Variants in NAALADL2 observed in about 807,000 individuals in gnomAD.
NAALADL2 encodes inactive N-acetylated-alpha-linked acidic dipeptidase-like protein 2.
NAALADL2 carries 76 observed loss-of-function variants against 87.2 expected under a neutral mutation model. The observed-to-expected ratio is 0.87, with a 90% confidence interval of 0.72 to 1.05. The LOEUF is 1.05. Among genes scored for constraint, NAALADL2 ranks in the 50% least tolerant of loss-of-function variants. The probability of loss-of-function intolerance (pLI) is 0.00; values close to 1 mark genes in which losing one functional copy is unlikely to be tolerated. For missense variants in NAALADL2, 1,089 were observed against 945.8 expected, an observed-to-expected ratio of 1.15 and a Z score of -1.99; for synonymous variants, 354 against 331.0, an observed-to-expected ratio of 1.07 and a Z score of -0.75.
At chr3:174,592,963 G>A (rs1456077985) in intron 2 of NAALADL2, among the ~76,000 whole-genome samples, 19 of 152,056 alleles carry the variant, frequency 1.2e-4, no homozygotes, top group Admixed American at 1.2e-3. Flanking sequence ...AAGAGGTAGA[G>A]AGAGAGTGAG....
At chr3:175,011,966 G>A (rs1296153646) in intron 1 of NAALADL2, among the ~76,000 whole-genome samples, 2 of 152,042 alleles carry the variant, frequency 1.3e-5, no homozygotes, top group Non-Finnish European at 2.9e-5. Flanking sequence ...CAATAAGAAG[G>A]TTATCAGTTT....
chr3:175,603,534 ATTCCAGGTACCTCATG>A (rs1723243951), intron 10 of NAALADL2, among the ~76,000 whole-genome samples: 1 of 152,182 alleles, frequency 6.6e-6, no homozygotes, highest in Non-Finnish European at 1.5e-5. Context: ...GATTTGGACT[ATTCCAGGTACCTCATG>A]TAAGTGGATT....
chr3:174,562,639 C>A (rs1223111579), intron 2 of NAALADL2, among the ~76,000 whole-genome samples: 1 of 151,926 alleles, frequency 6.6e-6, no homozygotes, highest in Non-Finnish European at 1.5e-5. Context: ...ATATTGCCAC[C>A]TCGCTGGACC....
rs529612558 is a variant in NAALADL2 at position 174,943,783 on chromosome 3, G to A, written c.43+84333G>A. On this transcript the variant is annotated intron_variant, in intron 1 of 13. Transcript: ENST00000454872. ...GGAGATTGACTGGCCTCTTCTACTT[G>A]TTGACTGGAGCTTGTTAGAGGTGTG... is the stretch of plus-strand genomic sequence containing the variant. Among the ~76,000 whole-genome samples, 77 of 152,248 alleles carry A rather than the reference G, an allele frequency of 5.1e-4. 1 individual carries two copies. The highest frequency in any genetic ancestry group is 1.5e-3 in the South Asian group (7 of 4,820).
At chr3:175,441,696 C>G (rs1341741741) in intron 5 of NAALADL2, among the ~76,000 whole-genome samples, 2 of 151,918 alleles carry the variant, frequency 1.3e-5, no homozygotes, top group African/African-American at 2.4e-5. Context: ...CACACACACA[C>G]ACACACACAC....
chr3:175,571,939 G>T lies in NAALADL2; in HGVS notation c.1654-4102G>T, dbSNP rs1044072235. On this transcript the variant is annotated intron_variant, in intron 9 of 13. Transcript: ENST00000454872. Reference sequence around the variant, plus strand: ...ATGAACACAGGTTTGAAGGTAATGTGCTTCTTCCCCTCATCACTGGTTAAA... The same window carrying T: ...ATGAACACAGGTTTGAAGGTAATGTTCTTCTTCCCCTCATCACTGGTTAAA... Among the ~76,000 whole-genome samples, 3 of 152,266 alleles carry T rather than the reference G, an allele frequency of 2.0e-5. No individual in the cohort carries two copies. In the East Asian group the frequency reaches 5.8e-4, roughly 29 times the overall value.
chr3:175,222,241 T>C (rs1034612350), intron 2 of NAALADL2, among the ~76,000 whole-genome samples: 3 of 152,142 alleles, frequency 2.0e-5, no homozygotes, highest in Non-Finnish European at 4.4e-5. Flanking sequence ...AGATATTCAA[T>C]AGGTACTTGT....
chr3:175,756,241 A>T (rs1292113738), intron 13 of NAALADL2, among the ~76,000 whole-genome samples: 1 of 152,148 alleles, frequency 6.6e-6, no homozygotes, highest in Non-Finnish European at 1.5e-5. Context: ...CATAGCCTTT[A>T]TATATACTTG....
intron 11 of NAALADL2, among the ~76,000 whole-genome samples, chr3:175,683,058 T>G (rs1735800108): frequency 6.6e-6 from 1 of 151,938 alleles, no homozygotes; most frequent in Non-Finnish European, 1.5e-5. Flanking sequence ...CAGAAAATTG[T>G]GAGAGGTGAT....
chr3:175,375,677 G>A (rs1767045045), intron 5 of NAALADL2, among the ~76,000 whole-genome samples: 1 of 152,056 alleles, frequency 6.6e-6, no homozygotes, highest in Admixed American at 6.6e-5. Flanking sequence ...GGAGTTTTGT[G>A]TAGATAATAT....
intron 2 of NAALADL2, among the ~76,000 whole-genome samples, chr3:175,217,358 A>G (rs1283837788): frequency 6.6e-6 from 1 of 152,204 alleles, no homozygotes; most frequent in Non-Finnish European, 1.5e-5. Context: ...GTTTCCAAAA[A>G]TATCAGGCAA....
chr3:175,144,292 C>T (rs1197457048), intron 2 of NAALADL2, among the ~76,000 whole-genome samples: 3 of 151,780 alleles, frequency 2.0e-5, no homozygotes, highest in Non-Finnish European at 2.9e-5. Flanking sequence ...CCATTGGGCA[C>T]GTTTCGGTTA....
chr3:175,449,221 G>C (rs1292290750), intron 6 of NAALADL2, among the ~76,000 whole-genome samples: 1 of 151,930 alleles, frequency 6.6e-6, no homozygotes, highest in East Asian at 1.9e-4. Flanking sequence ...TAGGGCTACA[G>C]GCACATGACA....
chr3:174,819,369 T>C (rs1721177453), intron 3 of NAALADL2, among the ~76,000 whole-genome samples: 1 of 134,996 alleles, frequency 7.4e-6, no homozygotes, highest in East Asian at 2.2e-4. Flanking sequence ...GTGGCTAATA[T>C]ATTTATTCTT....
At position 175,377,704 on chromosome 3, in the gene NAALADL2, C is replaced by T. The variant is rs373195194; in HGVS notation, c.1090+53379C>T. 4.8e-4 allele frequency among the ~76,000 whole-genome samples: 73 copies of T among 152,258 alleles called. No individual in the cohort carries two copies. In the South Asian group the frequency reaches 0.013, roughly 27 times the overall value. On this transcript the variant is annotated intron_variant, in intron 5 of 13. Coordinates refer to ENST00000454872, the MANE Select transcript of NAALADL2 (RefSeq NM_207015.3). ...ACCACCCATGGCCTGTACTGCACCC[C>T]ATCCTGTGTCTATAAAAGCCCCAGA... is the stretch of plus-strand genomic sequence containing the variant.
Position 175,150,864 on chromosome 3 carries a change from G to T in NAALADL2, c.545+53573G>T, listed in dbSNP as rs549735405. 5.9e-5 allele frequency among the ~76,000 whole-genome samples: 9 copies of T among 152,258 alleles called. No individual in the cohort carries two copies. The East Asian group carries it at 1.7e-3, about 29-fold the overall frequency. On this transcript the variant is annotated intron_variant, in intron 2 of 13. Coordinates refer to ENST00000454872, the MANE Select transcript of NAALADL2 (RefSeq NM_207015.3). ...CAGTAGTGAATGAAATAGGCATAATGCCTGCCCTCCTGTAGTTTATGGATT... is the reference window on the plus strand; with the variant it reads ...CAGTAGTGAATGAAATAGGCATAATTCCTGCCCTCCTGTAGTTTATGGATT...
intron 2 of NAALADL2, among the ~76,000 whole-genome samples, chr3:174,628,474 C>CAAAAAA: frequency 1.2e-5 from 1 of 86,600 alleles, no homozygotes; most frequent in Non-Finnish European, 2.2e-5. Flanking sequence ...GAGACTGTCT[C>CAAAAAA]AAAAAAAAAA....
chr3:175,234,086 GC>G lies in NAALADL2; in HGVS notation c.702del (p.Ser234ArgfsTer46). On this transcript the variant is annotated frameshift_variant, in exon 3 of 14. Coordinates refer to ENST00000454872, the MANE Select transcript of NAALADL2 (RefSeq NM_207015.3). LOFTEE classifies it high-confidence loss of function. ...CCTTCTCCCAGCACTGTGACTCTGA[GC>G]AGCAGTGGTCAATGCTTTCATCCTA... ...PGPSPSTVTL[S>X]SSGQCFHPNG... 2 of 1,613,878 alleles carry G rather than the reference GC, an allele frequency of 1.2e-6. No homozygotes were observed. Among genetic ancestry groups the G allele is most frequent in the Non-Finnish European group, 1.7e-6 (2 of 1,179,836 alleles).
chr3:175,415,480 A>G (rs1714458819), intron 5 of NAALADL2, among the ~76,000 whole-genome samples: 1 of 152,174 alleles, frequency 6.6e-6, no homozygotes, highest in Non-Finnish European at 1.5e-5. Flanking sequence ...TAACAGGGTA[A>G]AACAGGTTAA....
Sources: allele counts gnomAD v4.1 joint callset (sites outside exome capture counted in the v4.1 genomes callset), GRCh38; gene constraint gnomAD v4.1.1; transcripts MANE v1.5; gene names NCBI Gene and HGNC (gene_info 2026-07-23, HGNC 2026-07-21).